Variants in SLC38A9 observed in about 807,000 individuals in gnomAD.
SLC38A9 encodes solute carrier family 38 member 9.
Under a neutral mutation model 62.3 loss-of-function variants are expected in SLC38A9, and 48 were observed. The ratio of observed to expected loss-of-function variants is 0.77; its 90% CI spans 0.61 to 0.98. The LOEUF (loss-of-function observed/expected upper bound fraction) is 0.98. Ranked by LOEUF, SLC38A9 falls within the 50% of genes least tolerant of loss-of-function variation. The pLI is 0.00. For synonymous variants in SLC38A9, 204 were observed against 227.7 expected, an observed-to-expected ratio of 0.90 and a Z score of 0.94; for missense variants, 541 against 679.8, an observed-to-expected ratio of 0.80 and a Z score of 2.27.
At chr5:55,644,798 T>C (rs1746044394) in intron 12 of SLC38A9, among the ~76,000 whole-genome samples, 1 of 152,100 alleles carries the variant, frequency 6.6e-6, no homozygotes, top group Non-Finnish European at 1.5e-5. Flanking sequence ...ACATGTGCCA[T>C]GCTGGTGTGC....
intron 3 of SLC38A9, among the ~76,000 whole-genome samples, chr5:55,674,731 A>C (rs1258816242): frequency 1.3e-5 from 2 of 152,240 alleles, no homozygotes; most frequent in African/African-American, 2.4e-5. Context: ...AAGTGGTGTC[A>C]ATATATTTCA....
At chr5:55,676,361 T>C (rs895953946) in intron 3 of SLC38A9, among the ~76,000 whole-genome samples, 1 of 152,082 alleles carries the variant, frequency 6.6e-6, no homozygotes. Flanking sequence ...AATTTTTTTA[T>C]AGAGACAGGG....
intron 3 of SLC38A9, among the ~76,000 whole-genome samples, chr5:55,679,034 G>A (rs1221467752): frequency 2.0e-5 from 3 of 152,072 alleles, no homozygotes; most frequent in Admixed American, 1.3e-4. Context: ...CAATGTTAAA[G>A]TGAAAACAAA....
In SLC38A9 at chr5:55,649,196, A is replaced by G. The variant is rs1746934734; in HGVS notation, c.1060+11T>C. The G allele has an allele frequency of 6.6e-7, 1 of 1,510,134 alleles. No individual in the cohort carries two copies. The highest frequency in any genetic ancestry group is 9.0e-7 in the Non-Finnish European group (1 of 1,110,572). 93.5% of individuals were successfully genotyped at this position (1,510,134 alleles called of 1,614,324 possible). On this transcript the variant is annotated intron_variant, in intron 11 of 15. Transcript: ENST00000396865. ...CATTATTATAATTTATTATTTTGCC[A>G]AAAAGCTCACCTGGTACAAAAAATT...
chr5:55,667,122 G>C (rs191518063), intron 7 of SLC38A9, among the ~76,000 whole-genome samples: 4 of 152,342 alleles, frequency 2.6e-5, no homozygotes, highest in Admixed American at 2.6e-4. Context: ...TTGAACCTGG[G>C]AGGAGGAGGT....
intron 8 of SLC38A9, among the ~76,000 whole-genome samples, chr5:55,663,419 T>C (rs1749959337): frequency 6.6e-6 from 1 of 151,606 alleles, no homozygotes; most frequent in African/African-American, 2.4e-5. Flanking sequence ...TAGTTTGAAA[T>C]ATTTCATAGT....
intron 12 of SLC38A9, among the ~76,000 whole-genome samples, chr5:55,638,522 G>T (rs1744839989): frequency 6.6e-6 from 1 of 152,174 alleles, no homozygotes; most frequent in East Asian, 1.9e-4. Flanking sequence ...ACTAAAGACA[G>T]GTAGAATGCC....
chr5:55,671,219 TAG>T (rs1751267039), intron 4 of SLC38A9, among the ~76,000 whole-genome samples: 1 of 152,046 alleles, frequency 6.6e-6, no homozygotes, highest in South Asian at 2.1e-4. Context: ...AAAATAGTAA[TAG>T]AGATTTTTAG....
chr5:55,645,774 A>G lies in SLC38A9; in HGVS notation c.1167+15T>C. On this transcript the variant is annotated intron_variant, in intron 12 of 15. Coordinates refer to ENST00000396865, the MANE Select transcript of SLC38A9 (RefSeq NM_173514.4). Reference sequence around the variant, plus strand: ...TCGGGAGATACAAAAGTCAATTCCAAAGATAATTACTCACATTGTTTTCTT... The same window carrying G: ...TCGGGAGATACAAAAGTCAATTCCAGAGATAATTACTCACATTGTTTTCTT... 2 of 1,547,544 alleles carry G rather than the reference A, an allele frequency of 1.3e-6. No homozygotes were observed. Among genetic ancestry groups the G allele is most frequent in the South Asian group, 2.3e-5 (2 of 85,998 alleles).
At chr5:55,660,834 C>T (rs942310364) in intron 8 of SLC38A9, among the ~76,000 whole-genome samples, 1 of 151,890 alleles carries the variant, frequency 6.6e-6, no homozygotes, top group Non-Finnish European at 1.5e-5. Flanking sequence ...CTAAAAGGCT[C>T]CTTGAAGGGA....
At chr5:55,679,218 CA>C (rs1027130336) in intron 3 of SLC38A9, among the ~76,000 whole-genome samples, 3 of 152,106 alleles carry the variant, frequency 2.0e-5, no homozygotes, top group Admixed American at 1.3e-4. Flanking sequence ...TAAGCAGTCT[CA>C]TTTTTTTAAG....
intron 4 of SLC38A9, among the ~76,000 whole-genome samples, chr5:55,670,354 T>C (rs1751104826): frequency 9.0e-6 from 1 of 111,206 alleles, no homozygotes; most frequent in African/African-American, 2.9e-5. Flanking sequence ...ATAGAAAAAC[T>C]AACTAAAAAA....
At chr5:55,667,407 T>G (rs183669118) in intron 7 of SLC38A9, among the ~76,000 whole-genome samples, 2 of 152,326 alleles carry the variant, frequency 1.3e-5, no homozygotes, top group East Asian at 3.9e-4. Flanking sequence ...ACTTAGAGTT[T>G]TAATCAGAAA....
In SLC38A9 at chr5:55,626,603, T is replaced by C. The variant is rs374879736; in HGVS notation, c.1577A>G (p.Tyr526Cys). Residue 526 changes from tyrosine to cysteine, a missense_variant, in exon 16 of 16, where the codon TAT becomes TGT. Tyr to Cys is a radical substitution (Grantham distance 194). Transcript: ENST00000396865. ...AFVFIYPSLI[Y>C]IISLHQEERL... ...CTCTTCTTGGTGGAGGGAAATTATA[T>C]AGATGAGAGATGGGTATATGAATAC... is the stretch of plus-strand genomic sequence containing the variant. 35 of 1,613,792 alleles carry C rather than the reference T, an allele frequency of 2.2e-5. No homozygotes were observed. Among genetic ancestry groups the C allele is most frequent in the Non-Finnish European group, 2.7e-5 (32 of 1,179,874 alleles).
intron 12 of SLC38A9, among the ~76,000 whole-genome samples, chr5:55,640,768 C>CA (rs1487099696): frequency 6.6e-6 from 1 of 152,034 alleles, no homozygotes; most frequent in African/African-American, 2.4e-5. Context: ...AGATCTTTAA[C>CA]AATTGTCAAA....
At chr5:55,649,650 C>T (rs776512407) in intron 10 of SLC38A9, among the ~76,000 whole-genome samples, 10 of 152,066 alleles carry the variant, frequency 6.6e-5, no homozygotes, top group Non-Finnish European at 1.0e-4. Context: ...GGCGAAACTT[C>T]ATCTCTACTA....
chr5:55,665,381 A>T (rs1750287421), intron 7 of SLC38A9, among the ~76,000 whole-genome samples: 1 of 151,828 alleles, frequency 6.6e-6, no homozygotes, highest in African/African-American at 2.4e-5. Flanking sequence ...CCCCATATCT[A>T]TCAAAAAATA....
At chr5:55,652,744 A>G (rs1219272011) in intron 9 of SLC38A9, 21 bp from the exon 10 acceptor site, 10 of 1,573,994 alleles carry the variant, frequency 6.4e-6, no homozygotes, top group Non-Finnish European at 8.6e-6. Flanking sequence ...AAAGCACCAG[A>G]TTAAAGAAGA....
At chr5:55,694,790 A>C (rs1031904980) in intron 3 of SLC38A9, among the ~76,000 whole-genome samples, 12 of 133,684 alleles carry the variant, frequency 9.0e-5, no homozygotes, top group Non-Finnish European at 1.7e-4. Context: ...GTCTTGCTCT[A>C]TCACCAGGCT....
Sources: allele counts gnomAD v4.1 joint callset (sites outside exome capture counted in the v4.1 genomes callset), GRCh38; gene constraint gnomAD v4.1.1; transcripts MANE v1.5; gene names NCBI Gene and HGNC (gene_info 2026-07-23, HGNC 2026-07-21).